The following PHACTR2 variants were observed in gnomAD, a reference collection of about 807,000 sequenced individuals.
PHACTR2 encodes phosphatase and actin regulator 2.
A neutral mutation model predicts 76.0 loss-of-function variants in PHACTR2; 30 were observed. That is an observed-to-expected ratio of 0.39 (90% CI 0.30 to 0.54). The LOEUF (loss-of-function observed/expected upper bound fraction) is 0.54, where lower values mean the gene tolerates loss of function less well. PHACTR2 is among the 20% of genes least tolerant of loss of function. The pLI, the probability that PHACTR2 is intolerant of heterozygous loss-of-function variation, is 0.61. For synonymous variants in PHACTR2, 292 were observed against 292.5 expected (o/e 1.00, Z 0.02); for missense variants, 696 against 781.1 (o/e 0.89, Z 1.30).
rs2128468367 is a variant in PHACTR2 at position 143,743,129 on chromosome 6, G to C, written c.215-5856G>C. Among the ~76,000 whole-genome samples, 1 of 152,304 alleles carries C rather than the reference G, an allele frequency of 6.6e-6. No homozygotes were observed. The highest frequency in any genetic ancestry group is 3.4e-3 in the Middle Eastern group (1 of 294). On this transcript the variant is annotated intron_variant, in intron 2 of 12. Transcript: ENST00000440869. This position sits in a 1 kb window ranked among gnomAD's most constrained non-coding sequence, Gnocchi z 5.0. ...CAGGATAGTGAGATCTCCATGCAGA[G>C]CTACTGTGTGAAGAGAACTTAACAT...
intron 1 of PHACTR2, among the ~76,000 whole-genome samples, chr6:143,612,580 T>C (rs1775995150): frequency 2.0e-5 from 3 of 148,896 alleles, no homozygotes; most frequent in African/African-American, 5.0e-5. Context: ...TTAACCATGA[T>C]ACTTTTTAGA....
chr6:143,731,449 G>A lies in PHACTR2; in HGVS notation c.215-17536G>A, dbSNP rs554950875. On this transcript the variant is annotated intron_variant, in intron 2 of 12. Coordinates refer to ENST00000440869, the MANE Select transcript of PHACTR2 (RefSeq NM_001100164.2). This position sits in a 1 kb window ranked among gnomAD's most constrained non-coding sequence, Gnocchi z 4.9. ...ATTATAGGCATGAGCCACCACGCCC[G>A]GCTAATTCTGTATTTTTAGTAGAGA... Among the ~76,000 whole-genome samples, 5 of 152,126 alleles carry A rather than the reference G, an allele frequency of 3.3e-5. No homozygotes were observed. Among genetic ancestry groups the A allele is most frequent in the South Asian group, 2.1e-4 (1 of 4,818 alleles).
chr6:143,604,653 G>A (rs142622739), upstream of PHACTR2, among the ~76,000 whole-genome samples: 264 of 152,162 alleles, frequency 1.7e-3, 1 homozygote, highest in African/African-American at 5.6e-3. Flanking sequence ...AGGCAGAGGC[G>A]GGTGGATCAC....
Position 143,646,355 on chromosome 6 carries a change from G to A in PHACTR2, c.13+38033G>A, listed in dbSNP as rs1364774107. 6.6e-6 allele frequency among the ~76,000 whole-genome samples: 1 copy of A among 152,060 alleles called. No homozygotes were observed. The highest frequency in any genetic ancestry group is 1.5e-5 in the Non-Finnish European group (1 of 67,994). ...GCATTTATCTAACCTTAATATCATA[G>A]CATAACTCCTTAAAGTTTATTGACT... On this transcript the variant is annotated intron_variant, in intron 1 of 11. Transcript: ENST00000305766. This position sits in a 1 kb window ranked among gnomAD's most constrained non-coding sequence, Gnocchi z 4.1.
In PHACTR2 at chr6:143,830,682, C is replaced by T. The variant is rs1228014796; in HGVS notation, c.*6993C>T. On this transcript the variant is annotated 3_prime_UTR_variant, in exon 13 of 13. Transcript: ENST00000440869. ...GTTATTTAAAAAGCAAAATTCTGCT[C>T]TATTTAGTTGTATAATATTAGAGGA... 1.3e-5 allele frequency: 2 copies of T among 152,168 alleles called. No individual in the cohort carries two copies. Among genetic ancestry groups the T allele is most frequent in the African/African-American group, 2.4e-5 (1 of 41,442 alleles). The allele number at this position is 152,168 out of a possible 1,614,324, so 9.4% of individuals were successfully genotyped here.
chr6:143,710,915 A>G lies in PHACTR2; in HGVS notation c.47-1101A>G. 2.4e-6 allele frequency: 1 copy of G among 418,604 alleles called. No individual in the cohort carries two copies. Among genetic ancestry groups the G allele is most frequent in the Non-Finnish European group, 4.6e-6 (1 of 218,438 alleles). The allele number at this position is 418,604 out of a possible 1,614,324, so 25.9% of individuals were successfully genotyped here. ...ATTTTACTTTATTGCACTTTTATCC[A>G]TCTGCCTTTTCCATCTATCTATCCA... On this transcript the variant is annotated intron_variant, in intron 1 of 12. Transcript: ENST00000440869. This position sits in a 1 kb window ranked among gnomAD's most constrained non-coding sequence, Gnocchi z 4.9.
chr6:143,770,901 A>G (rs1775083745), intron 6 of PHACTR2, among the ~76,000 whole-genome samples: 1 of 145,760 alleles, frequency 6.9e-6, no homozygotes, highest in Non-Finnish European at 1.5e-5. Context: ...TTCCTTGCAT[A>G]TCACCTTTTT....
intron 11 of PHACTR2, among the ~76,000 whole-genome samples, chr6:143,798,997 C>T (rs2128481876): frequency 6.6e-6 from 1 of 152,290 alleles, no homozygotes; most frequent in Middle Eastern, 3.4e-3. Flanking sequence ...TAGAATTTGG[C>T]TGTGAATCCG....
rs1005117512 is a variant in PHACTR2, at chr6:143,714,626, A to C, written c.214+2443A>C. ...CCTTGTTTTAAAGCAGAAAGTTTCCAATATCTTCAACTCTGATTTAGGCTG... is the reference window on the plus strand; with the variant it reads ...CCTTGTTTTAAAGCAGAAAGTTTCCCATATCTTCAACTCTGATTTAGGCTG... On this transcript the variant is annotated intron_variant, in intron 2 of 12. Coordinates refer to ENST00000440869, the MANE Select transcript of PHACTR2 (RefSeq NM_001100164.2). Among the ~76,000 whole-genome samples, 15 of 152,166 alleles carry C rather than the reference A, an allele frequency of 9.9e-5. 1 individual carries two copies. Among genetic ancestry groups the C allele is most frequent in the African/African-American group, 3.6e-4 (15 of 41,442 alleles).
chr6:143,760,372 T>C lies in PHACTR2; in HGVS notation c.455-29T>C, dbSNP rs1307227963. 1.3e-6 allele frequency: 2 copies of C among 1,581,280 alleles called. No individual in the cohort carries two copies. The highest frequency in any genetic ancestry group is 2.7e-5 in the African/African-American group (2 of 73,978). On this transcript the variant is annotated intron_variant, in intron 4 of 12. Transcript: ENST00000440869. The surrounding 1 kb of genome is among the most constrained non-coding windows in gnomAD (Gnocchi z 6.4). ...TTTATATGGTGTGTGTCTGTATCAG[T>C]CTGCTTCTGTTCACTTTCTCGTTTA...
Position 143,561,018 on chromosome 6 carries a change from A to T in PHACTR2, c.217+23811A>T, listed in dbSNP as rs925345412. ...GGACTCTGGGGGGCTTTAAGTAATA[A>T]ACTGGCCAGACTCCTGAAGCTGGCT... On this transcript the variant is annotated intron_variant, in intron 1 of 11. Coordinates refer to the PHACTR2 transcript ENST00000367584. The surrounding 1 kb of genome is among the most constrained non-coding windows in gnomAD (Gnocchi z 4.1). 10 of 152,392 alleles carry T rather than the reference A, an allele frequency of 6.6e-5. 1 individual carries two copies. Among genetic ancestry groups the T allele is most frequent in the East Asian group, 1.9e-4 (1 of 5,162 alleles). The allele number at this position is 152,392 out of a possible 1,614,324, so 9.4% of individuals were successfully genotyped here.
chr6:143,645,493 AGT>A (rs1227948281), intron 1 of PHACTR2, among the ~76,000 whole-genome samples: 3 of 152,178 alleles, frequency 2.0e-5, no homozygotes, highest in Non-Finnish European at 4.4e-5. Context: ...AGCCACACTC[AGT>A]GTTGGAAAAT....
rs543113969 is a variant in PHACTR2, at chr6:143,639,831, T to G, written c.13+31509T>G. 4.3e-4 allele frequency among the ~76,000 whole-genome samples: 66 copies of G among 152,354 alleles called. No individual in the cohort carries two copies. The South Asian group carries it at 5.8e-3, about 13-fold the overall frequency. ...AGAACCACTGAAGGGTGATTTGATTTGCATTACATTTTCTCACTGTAGTGC... is the reference window on the plus strand; with the variant it reads ...AGAACCACTGAAGGGTGATTTGATTGGCATTACATTTTCTCACTGTAGTGC... On this transcript the variant is annotated intron_variant, in intron 1 of 11. Coordinates refer to the PHACTR2 transcript ENST00000305766. This position sits in a 1 kb window ranked among gnomAD's most constrained non-coding sequence, Gnocchi z 5.0.
upstream of PHACTR2, among the ~76,000 whole-genome samples, chr6:143,674,656 G>A (rs1777210525): frequency 6.6e-6 from 1 of 151,992 alleles, no homozygotes; most frequent in Non-Finnish European, 1.5e-5. The surrounding 1 kb of genome is among the most constrained non-coding windows in gnomAD (Gnocchi z 4.9). Context: ...CTAACATCTG[G>A]TGTCTCAAAA....
At position 143,777,571 on chromosome 6, in the gene PHACTR2, A is replaced by G. The variant is rs1424836052; in HGVS notation, c.1645+188A>G. On this transcript the variant is annotated intron_variant, in intron 9 of 12. Transcript: ENST00000440869. This position sits in a 1 kb window ranked among gnomAD's most constrained non-coding sequence, Gnocchi z 4.6. Reference sequence around the variant, plus strand: ...TTTAATTTCTTGAATTTGATATTTGATTTTATGGCTTTGAGCCTTATACCC... The same window carrying G: ...TTTAATTTCTTGAATTTGATATTTGGTTTTATGGCTTTGAGCCTTATACCC... Among the ~76,000 whole-genome samples, 1 of 152,072 alleles carries G rather than the reference A, an allele frequency of 6.6e-6. No individual in the cohort carries two copies. Among genetic ancestry groups the G allele is most frequent in the East Asian group, 1.9e-4 (1 of 5,194 alleles).
In PHACTR2 at chr6:143,554,044, G is replaced by A. The variant is rs1413067316; in HGVS notation, c.217+16837G>A. 6.6e-6 allele frequency among the ~76,000 whole-genome samples: 1 copy of A among 152,122 alleles called. No homozygotes were observed. Among genetic ancestry groups the A allele is most frequent in the Non-Finnish European group, 1.5e-5 (1 of 68,028 alleles). On this transcript the variant is annotated intron_variant, in intron 1 of 11. Coordinates refer to the PHACTR2 transcript ENST00000367584. The surrounding 1 kb of genome is among the most constrained non-coding windows in gnomAD (Gnocchi z 5.9). ...TTGACATTTTCTCTGAGTGAGACTGGGGATCCAGTGGCGGGGGCGCTGGGC... is the reference window on the plus strand; with the variant it reads ...TTGACATTTTCTCTGAGTGAGACTGAGGATCCAGTGGCGGGGGCGCTGGGC...
At position 143,736,602 on chromosome 6, in the gene PHACTR2, C is replaced by T. The variant is rs1425992582; in HGVS notation, c.215-12383C>T. ...TTTTTTTTTTTTTTTTGAGACGGAG[C>T]CTTGCTCTGTCACCCAGGCTGGAGT... On this transcript the variant is annotated intron_variant, in intron 2 of 12. Transcript: ENST00000440869. Among the ~76,000 whole-genome samples, 3 of 96,398 alleles carry T rather than the reference C, an allele frequency of 3.1e-5. No homozygotes were observed. In the Admixed American group the frequency reaches 5.0e-4, roughly 16 times the overall value. The allele number at this position is 96,398 out of a possible 152,430, so 63.2% of individuals were successfully genotyped here.
At chr6:143,741,437 G>A (rs1778941074) in intron 2 of PHACTR2, among the ~76,000 whole-genome samples, 1 of 152,184 alleles carries the variant, frequency 6.6e-6, no homozygotes, top group Non-Finnish European at 1.5e-5. Flanking sequence ...AGGTTACAGT[G>A]AGCCAAGATG....
rs149847679 is a variant in PHACTR2, at chr6:143,760,162, A to G, written c.455-239A>G. On this transcript the variant is annotated intron_variant, in intron 4 of 12. Transcript: ENST00000440869. This position sits in a 1 kb window ranked among gnomAD's most constrained non-coding sequence, Gnocchi z 6.4. ...ACACATCCTCAACCTAATTTCGTCA[A>G]AGTAGTTTGTATAACCCGGTTTTAT... Among the ~76,000 whole-genome samples the G allele has an allele frequency of 6.0e-3, 919 of 152,240 alleles. 13 individuals carry two copies. The highest frequency in any genetic ancestry group is 0.021 in the African/African-American group (866 of 41,548).
Sources: allele counts gnomAD v4.1 joint callset (sites outside exome capture counted in the v4.1 genomes callset), GRCh38; gene constraint gnomAD v4.1.1; non-coding constraint Gnocchi (gnomAD v3.1); transcripts MANE v1.5; gene names NCBI Gene and HGNC (gene_info 2026-07-23, HGNC 2026-07-21).